Variants in PHEX observed in about 807,000 individuals in gnomAD.
The protein encoded by PHEX is phosphate regulating endopeptidase X-linked, also known as phosphate-regulating neutral endopeptidase PHEX.
Under a neutral mutation model 68.0 loss-of-function variants are expected in PHEX, and 16 were observed. The ratio of observed to expected loss-of-function variants is 0.24; its 90% CI spans 0.16 to 0.36. PHEX has a LOEUF of 0.36. Ranked by LOEUF, PHEX falls within the 10% of genes least tolerant of loss-of-function variation. The pLI, the probability that PHEX is intolerant of heterozygous loss-of-function variation, is 1.00. For missense variants in PHEX, 480 were observed against 575.5 expected (o/e 0.83, Z 1.70); for synonymous variants, 208 against 205.1 (o/e 1.01, Z -0.12).
intron 9 of PHEX, among the ~76,000 whole-genome samples, chrX:22,107,481 TA>T (rs1269529866): frequency 3.0e-4 from 34 of 112,011 alleles, no homozygotes; most frequent in Non-Finnish European, 6.2e-4. Context: ...ATCGGCCCAT[TA>T]ATGTGCTAGA....
At chrX:22,090,717 T>C (rs1929842820) in intron 6 of PHEX, among the ~76,000 whole-genome samples, 1 of 112,204 alleles carries the variant, frequency 8.9e-6, no homozygotes, top group African/African-American at 3.2e-5. Context: ...AATGCCCTTA[T>C]CTAGCTTGGG....
chrX:22,220,795 T>G (rs1390447617), intron 17 of PHEX, among the ~76,000 whole-genome samples: 3 of 112,203 alleles, frequency 2.7e-5, no homozygotes, highest in Non-Finnish European at 5.6e-5. Context: ...TTGTTCCAAT[T>G]AACAACTTTA....
chrX:22,078,055 C>T (rs1473393493), intron 5 of PHEX, among the ~76,000 whole-genome samples: 2 of 111,996 alleles, frequency 1.8e-5, no homozygotes, highest in Admixed American at 9.5e-5. Context: ...TCCTTGCCTC[C>T]TCACTCCCTT....
rs776708119 is a variant in PHEX at position 22,068,056 on chromosome X, T to G, written c.350-8332T>G. Among the ~76,000 whole-genome samples the G allele has an allele frequency of 5.4e-5, 6 of 110,730 alleles. No homozygotes were observed. The Admixed American group carries it at 5.8e-4, about 11-fold the overall frequency. ...TTTTACCATGTTGGCCAGGCTGGTC[T>G]CGAACTCCTGACCTCAGGTGATCCG... On this transcript the variant is annotated intron_variant, in intron 3 of 21. Transcript: ENST00000379374.
At chrX:22,108,561 T>G (rs1423447813) in intron 9 of PHEX, among the ~76,000 whole-genome samples, 1 of 112,019 alleles carries the variant, frequency 8.9e-6, no homozygotes, top group Non-Finnish European at 1.9e-5. Flanking sequence ...AGTTCTATAT[T>G]GATGGCTATG....
At chrX:22,062,891 G>T (rs150772592) in intron 3 of PHEX, among the ~76,000 whole-genome samples, 3 of 111,119 alleles carry the variant, frequency 2.7e-5, no homozygotes, top group African/African-American at 9.8e-5. Flanking sequence ...CTCCCGAGTA[G>T]CTGGGATTAC....
In PHEX at chrX:22,209,788, T is replaced by C. The variant is rs1355203490; in HGVS notation, c.1646-3116T>C. 1.3e-3 allele frequency among the ~76,000 whole-genome samples: 114 copies of C among 88,043 alleles called. 3 individuals are homozygous for C. The highest frequency in any genetic ancestry group is 4.8e-3 in the African/African-American group (106 of 21,886). The allele number at this position is 88,043 out of a possible 115,157, so 76.5% of individuals were successfully genotyped here. ...CTCCCTCTCCTCCCTCTCCTCCCTC[T>C]CTCTCTCCCTCTCCCTCTCCCTCTC... On this transcript the variant is annotated intron_variant, in intron 15 of 21. Coordinates refer to ENST00000379374, the MANE Select transcript of PHEX (RefSeq NM_000444.6).
chrX:22,240,693 G>A (rs939301292), intron 20 of PHEX, among the ~76,000 whole-genome samples: 1 of 111,955 alleles, frequency 8.9e-6, no homozygotes, highest in African/African-American at 3.3e-5. Flanking sequence ...AGGGGTCAAT[G>A]CAGCATGAAG....
chrX:22,152,712 GT>G (rs2147104002), intron 12 of PHEX, among the ~76,000 whole-genome samples: 1 of 111,942 alleles, frequency 8.9e-6, no homozygotes, highest in African/African-American at 3.2e-5. Flanking sequence ...CAGGATAGCG[GT>G]TCTTTTGAAG....
chrX:22,162,555 T>C (rs1336799192), intron 12 of PHEX, among the ~76,000 whole-genome samples: 2 of 112,111 alleles, frequency 1.8e-5, no homozygotes, highest in African/African-American at 6.5e-5. Context: ...TAACATTTGC[T>C]CATCATGTAC....
chrX:22,159,821 G>T (rs1377146838), intron 12 of PHEX, among the ~76,000 whole-genome samples: 1 of 111,905 alleles, frequency 8.9e-6, no homozygotes, highest in Non-Finnish European at 1.9e-5. Context: ...TTTATTATCT[G>T]AATACTTCTC....
In PHEX at chrX:22,060,081, G is replaced by C. The variant is rs149167476; in HGVS notation, c.349+12870G>C. On this transcript the variant is annotated intron_variant, in intron 3 of 21. Coordinates refer to ENST00000379374, the MANE Select transcript of PHEX (RefSeq NM_000444.6). ...GGAGAGGGAAGAATGCTTGAGCCCA[G>C]GAATTCAAGGCTGTAGTAAGCTAAG... Among the ~76,000 whole-genome samples the C allele has an allele frequency of 7.4e-3, 791 of 106,609 alleles. 6 individuals carry two copies. Among genetic ancestry groups the C allele is most frequent in the African/African-American group, 0.026 (741 of 28,772 alleles). The allele number at this position is 106,609 out of a possible 115,157, so 92.6% of individuals were successfully genotyped here. A position where few individuals can be genotyped will look rare whatever the true frequency, so the allele number is the denominator to read the frequency against.
In PHEX at chrX:22,249,455, A is replaced by AAAAAAAAAAATATAT; in HGVS notation, c.*1503_*1504insAAAAAAAAATATATA. The AAAAAAAAAAATATAT allele has an allele frequency of 2.5e-5, 1 of 39,758 alleles. No individual in the cohort carries two copies. The highest frequency in any genetic ancestry group is 1.7e-4 in the African/African-American group (1 of 6,017). The allele number at this position is 39,758 out of a possible 1,213,427, so 3.3% of individuals were successfully genotyped here. A position where few individuals can be genotyped will look rare whatever the true frequency, so the allele number is the denominator to read the frequency against. On this transcript the variant is annotated 3_prime_UTR_variant, in exon 22 of 22. Coordinates refer to ENST00000379374, the MANE Select transcript of PHEX (RefSeq NM_000444.6). ...TTGTGATTCTTTTAAAAAAAAAAAA[A>AAAAAAAAAAATATAT]ATATATATATATATATATATATATA...
chrX:22,141,351 AT>A (rs1419955203), intron 12 of PHEX, among the ~76,000 whole-genome samples: 1 of 111,827 alleles, frequency 8.9e-6, no homozygotes, highest in Non-Finnish European at 1.9e-5. Flanking sequence ...TATTCTAGGT[AT>A]AGTGTAACTC....
intron 14 of PHEX, among the ~76,000 whole-genome samples, chrX:22,181,684 CACAG>C (rs1158321059): frequency 9.0e-6 from 1 of 111,700 alleles, no homozygotes; most frequent in Admixed American, 9.5e-5. Context: ...TGGGCGTTTT[CACAG>C]TATTGATTCT....
intron 20 of PHEX, among the ~76,000 whole-genome samples, chrX:22,237,646 C>T (rs754683911): frequency 1.8e-4 from 20 of 111,822 alleles, no homozygotes; most frequent in Non-Finnish European, 3.4e-4. Context: ...ATAGTTTAAA[C>T]GCTCTGACCA....
Position 22,242,941 on chromosome X carries a change from A to C in PHEX, c.2071-2392A>C, listed in dbSNP as rs147571847. On this transcript the variant is annotated intron_variant, in intron 20 of 21. Transcript: ENST00000379374. ...TTGGAAAAAACTTACTTTAAACTTCATATGGAACCAAAAAGGAGCCCATAT... is the reference window on the plus strand; with the variant it reads ...TTGGAAAAAACTTACTTTAAACTTCCTATGGAACCAAAAAGGAGCCCATAT... Among the ~76,000 whole-genome samples the C allele has an allele frequency of 5.5e-3, 619 of 112,006 alleles. 7 individuals are homozygous for C. The highest frequency in any genetic ancestry group is 0.019 in the African/African-American group (593 of 30,794).
intron 6 of PHEX, 110 bp from the exon 7 acceptor site, chrX:22,093,873 G>GA (rs1930012074): frequency 1.5e-5 from 8 of 523,048 alleles, no homozygotes; most frequent in Non-Finnish European, 2.8e-5. Context: ...AGTACAGAGT[G>GA]AAAATAAAAG....
intron 12 of PHEX, among the ~76,000 whole-genome samples, chrX:22,135,098 C>T (rs1195695489): frequency 8.9e-6 from 1 of 111,935 alleles, no homozygotes; most frequent in African/African-American, 3.2e-5. Flanking sequence ...GGCGTTTGTT[C>T]AGTGTTTATA....
Sources: allele counts gnomAD v4.1 joint callset (sites outside exome capture counted in the v4.1 genomes callset), GRCh38; gene constraint gnomAD v4.1.1; transcripts MANE v1.5; gene names NCBI Gene and HGNC (gene_info 2026-07-23, HGNC 2026-07-21).